The following KCNIP4 variants were observed in gnomAD, a reference collection of about 807,000 sequenced individuals.
KCNIP4 encodes the protein Kv channel-interacting protein 4.
KCNIP4 carries 12 observed loss-of-function variants against 34.0 expected under a neutral mutation model. The observed-to-expected ratio is 0.35, with a 90% CI of 0.23 to 0.57. The LOEUF is 0.57. Among genes scored for constraint, KCNIP4 ranks in the 20% least tolerant of loss-of-function variants. The pLI, the probability that KCNIP4 is intolerant of heterozygous loss-of-function variation, is 0.83. For missense variants in KCNIP4, 238 were observed against 311.7 expected, an observed-to-expected ratio of 0.76 and a Z score of 1.78; for synonymous variants, 124 against 102.2, an observed-to-expected ratio of 1.21 and a Z score of -1.29.
At chr4:21,538,775 C>T (rs567974302) in intron 1 of KCNIP4, among the ~76,000 whole-genome samples, 187 of 152,200 alleles carry the variant, frequency 1.2e-3, no homozygotes, top group African/African-American at 4.2e-3. Flanking sequence ...TCTGTAATGC[C>T]GGTATGTTCT....
At chr4:21,545,100 C>G (rs776184442) in intron 1 of KCNIP4, among the ~76,000 whole-genome samples, 4 of 152,138 alleles carry the variant, frequency 2.6e-5, no homozygotes, top group Non-Finnish European at 5.9e-5. Context: ...AGAGTGACCT[C>G]TGGTCGTCCT....
intron 1 of KCNIP4, among the ~76,000 whole-genome samples, chr4:21,458,885 C>T (rs1324205197): frequency 6.6e-6 from 1 of 151,926 alleles, no homozygotes; most frequent in Non-Finnish European, 1.5e-5. Flanking sequence ...CTCATACACC[C>T]CTCTTGTTTC....
chr4:21,828,288 T>C (rs1008197139), intron 1 of KCNIP4, among the ~76,000 whole-genome samples: 2 of 151,742 alleles, frequency 1.3e-5, no homozygotes, highest in African/African-American at 4.8e-5. Context: ...GGAAGCAGAC[T>C]TAAATAAGTC....
At chr4:21,221,302 G>T (rs1282059029) in intron 1 of KCNIP4, among the ~76,000 whole-genome samples, 1 of 152,166 alleles carries the variant, frequency 6.6e-6, no homozygotes, top group Non-Finnish European at 1.5e-5. Context: ...AATGAAGTGA[G>T]AACATGTATT....
intron 1 of KCNIP4, among the ~76,000 whole-genome samples, chr4:21,417,227 G>C (rs1725031130): frequency 1.3e-5 from 2 of 151,862 alleles, no homozygotes; most frequent in Non-Finnish European, 2.9e-5. Flanking sequence ...CACAAGAAAA[G>C]AGAGAGACTG....
chr4:21,018,528 G>C (rs1336429635), intron 1 of KCNIP4, among the ~76,000 whole-genome samples: 2 of 152,070 alleles, frequency 1.3e-5, no homozygotes, highest in Non-Finnish European at 2.9e-5. Flanking sequence ...GCGATGGAAG[G>C]CTTCTCTCTA....
chr4:20,789,647 C>T (rs1712468096), intron 3 of KCNIP4, among the ~76,000 whole-genome samples: 2 of 151,842 alleles, frequency 1.3e-5, no homozygotes, highest in Admixed American at 6.6e-5. Flanking sequence ...TTGAGGTTTG[C>T]CCTCTTTTGC....
At position 21,841,870 on chromosome 4, in the gene KCNIP4, T is replaced by C. The variant is rs114524883; in HGVS notation, c.61+106701A>G. On this transcript the variant is annotated intron_variant, in intron 1 of 8. Transcript: ENST00000382152. ...AAGAGTCAGTGCACTTAAGATTATC[T>C]GAAAACAAGTTATCACTTCAGGCTC... Among the ~76,000 whole-genome samples the C allele has an allele frequency of 4.1e-3, 617 of 152,288 alleles. 4 individuals are homozygous for C. Among genetic ancestry groups the C allele is most frequent in the African/African-American group, 0.014 (588 of 41,566 alleles).
At chr4:21,535,484 T>A (rs1737080403) in intron 1 of KCNIP4, among the ~76,000 whole-genome samples, 1 of 152,192 alleles carries the variant, frequency 6.6e-6, no homozygotes, top group Admixed American at 6.5e-5. Flanking sequence ...GATTTTTTTA[T>A]GAATCGCATG....
rs548243663 is a variant in KCNIP4 at position 21,134,042 on chromosome 4, C to A, written c.62-251333G>T. On this transcript the variant is annotated intron_variant, in intron 1 of 8. Transcript: ENST00000382152. ...CTGTACAATTCTTTCTTATCTAACCCCCCAAACCCATAAAATCTAACTTGA... is the reference window on the plus strand; with the variant it reads ...CTGTACAATTCTTTCTTATCTAACCACCCAAACCCATAAAATCTAACTTGA... Among the ~76,000 whole-genome samples the A allele has an allele frequency of 5.3e-5, 8 of 152,254 alleles. No individual in the cohort carries two copies. The East Asian group carries it at 1.5e-3, about 29-fold the overall frequency.
chr4:21,284,826 G>C (rs1041656245), intron 1 of KCNIP4, among the ~76,000 whole-genome samples: 2 of 151,916 alleles, frequency 1.3e-5, no homozygotes, highest in African/African-American at 4.8e-5. Context: ...TGTAACCGAC[G>C]TGAGCACTTG....
At chr4:21,409,419 T>G (rs1234895397) in intron 1 of KCNIP4, among the ~76,000 whole-genome samples, 1 of 152,148 alleles carries the variant, frequency 6.6e-6, no homozygotes, top group East Asian at 1.9e-4. Context: ...TTGAATACTA[T>G]GTTTGTGGAT....
intron 1 of KCNIP4, among the ~76,000 whole-genome samples, chr4:21,703,795 G>A (rs1429411019): frequency 2.0e-5 from 3 of 152,086 alleles, no homozygotes; most frequent in African/African-American, 7.2e-5. Context: ...GCAACTGCAA[G>A]CAAAATTACA....
intron 1 of KCNIP4, among the ~76,000 whole-genome samples, chr4:21,450,552 C>T (rs187977808): frequency 4.3e-4 from 66 of 151,732 alleles, no homozygotes; most frequent in African/African-American, 1.4e-3. Flanking sequence ...AAAAAGATGA[C>T]GAAGTAAAGG....
At chr4:21,570,483 A>C (rs185208668) in intron 1 of KCNIP4, among the ~76,000 whole-genome samples, 7 of 152,282 alleles carry the variant, frequency 4.6e-5, no homozygotes, top group Admixed American at 3.9e-4. Flanking sequence ...TAGACTATTT[A>C]ATTTAACCTT....
chr4:21,331,794 G>C (rs1715661736), intron 1 of KCNIP4, among the ~76,000 whole-genome samples: 1 of 151,894 alleles, frequency 6.6e-6, no homozygotes, highest in African/African-American at 2.4e-5. Flanking sequence ...CTAATCTTTA[G>C]ACGTTTATCA....
intron 1 of KCNIP4, among the ~76,000 whole-genome samples, chr4:21,757,220 AAAG>A: frequency 1.5e-4 from 4 of 27,280 alleles, no homozygotes; most frequent in African/African-American, 8.4e-4. Context: ...AGAAAGAAAG[AAAG>A]AAAGAAAGAA....
At chr4:21,753,855 C>T (rs2109149744) in intron 1 of KCNIP4, among the ~76,000 whole-genome samples, 1 of 152,246 alleles carries the variant, frequency 6.6e-6, no homozygotes, top group South Asian at 2.1e-4. Flanking sequence ...TGAGGTGGAG[C>T]AGGTGACTGC....
chr4:21,158,342 G>A (rs7667000), intron 1 of KCNIP4, among the ~76,000 whole-genome samples: 23,974 of 151,444 alleles, frequency 0.16, 1,997 homozygotes, highest in Middle Eastern at 0.22. Flanking sequence ...AGGGAAAGGC[G>A]TTACAAATAA....
Sources: allele counts gnomAD v4.1 joint callset (sites outside exome capture counted in the v4.1 genomes callset), GRCh38; gene constraint gnomAD v4.1.1; transcripts MANE v1.5; gene names NCBI Gene and HGNC (gene_info 2026-07-23, HGNC 2026-07-21).